Variants in GRID2 observed in about 807,000 individuals in gnomAD.
GRID2 encodes glutamate receptor ionotropic, delta-2.
A neutral mutation model predicts 114.8 loss-of-function variants in GRID2; 33 were observed. The observed-to-expected ratio is 0.29, with a 90% CI of 0.22 to 0.38. The LOEUF is 0.38. GRID2 is among the 10% of genes least tolerant of loss of function. The pLI is 1.00. For missense variants in GRID2, 1,184 were observed against 1,257.7 expected, an observed-to-expected ratio of 0.94 and a Z score of 0.89; for synonymous variants, 505 against 449.9, an observed-to-expected ratio of 1.12 and a Z score of -1.55.
intron 4 of GRID2, among the ~76,000 whole-genome samples, chr4:93,179,414 G>C (rs1739673235): frequency 6.6e-6 from 1 of 152,114 alleles, no homozygotes; most frequent in Non-Finnish European, 1.5e-5. Context: ...CCTTATTCTT[G>C]TTTTTCCTTA....
At chr4:93,096,186 C>T (rs1731214171) in intron 3 of GRID2, among the ~76,000 whole-genome samples, 1 of 151,916 alleles carries the variant, frequency 6.6e-6, no homozygotes, top group Admixed American at 6.6e-5. Context: ...ATAAATTTTA[C>T]TCTCATCTCT....
chr4:93,293,971 G>A (rs985050751), intron 8 of GRID2, among the ~76,000 whole-genome samples: 21 of 152,266 alleles, frequency 1.4e-4, no homozygotes, highest in East Asian at 1.9e-4. Flanking sequence ...GATCACAGAC[G>A]GCGATTATGC....
intron 2 of GRID2, among the ~76,000 whole-genome samples, chr4:92,949,380 A>T (rs1187366927): frequency 6.6e-6 from 1 of 152,114 alleles, no homozygotes; most frequent in Non-Finnish European, 1.5e-5. Flanking sequence ...TTACATATGT[A>T]TACATGTGCC....
At chr4:93,100,596 T>A (rs879273422) in intron 3 of GRID2, among the ~76,000 whole-genome samples, 51 of 151,948 alleles carry the variant, frequency 3.4e-4, no homozygotes, top group Non-Finnish European at 2.4e-4. Context: ...TTCCTATTTT[T>A]AAAAAAAGCC....
chr4:93,777,755 GAA>G (rs1442524126), downstream of GRID2, among the ~76,000 whole-genome samples: 1 of 152,094 alleles, frequency 6.6e-6, no homozygotes, highest in African/African-American at 2.4e-5. Context: ...CAAAAACAAA[GAA>G]TGATACAGTG....
chr4:93,595,996 C>A (rs1739041241), intron 13 of GRID2, among the ~76,000 whole-genome samples: 1 of 152,138 alleles, frequency 6.6e-6, no homozygotes, highest in Non-Finnish European at 1.5e-5. Flanking sequence ...GCTGAGAAAA[C>A]TGAGGTCCCG....
At chr4:93,204,512 G>A (rs189462436) in intron 4 of GRID2, among the ~76,000 whole-genome samples, 1 of 152,214 alleles carries the variant, frequency 6.6e-6, no homozygotes, top group African/African-American at 2.4e-5. Context: ...CCAAAGACCA[G>A]AAGGAGAGAC....
intron 1 of GRID2, among the ~76,000 whole-genome samples, chr4:92,503,171 C>T (rs1723777219): frequency 6.6e-6 from 1 of 151,980 alleles, no homozygotes; most frequent in Non-Finnish European, 1.5e-5. Flanking sequence ...TATGTAACAA[C>T]ATGACAATAA....
intron 2 of GRID2, among the ~76,000 whole-genome samples, chr4:92,869,349 T>G (rs1430119506): frequency 6.6e-6 from 1 of 152,164 alleles, no homozygotes; most frequent in Non-Finnish European, 1.5e-5. Context: ...TGTGAGGCAG[T>G]ACCCAAAAAA....
chr4:93,219,797 A>T (rs764281402), intron 6 of GRID2, among the ~76,000 whole-genome samples: 3 of 152,170 alleles, frequency 2.0e-5, no homozygotes, highest in Non-Finnish European at 2.9e-5. Flanking sequence ...ATGGAGAGAA[A>T]ACAGAAACAT....
chr4:92,610,950 A>G (rs1451168371), intron 2 of GRID2, among the ~76,000 whole-genome samples: 1 of 151,642 alleles, frequency 6.6e-6, no homozygotes, highest in Non-Finnish European at 1.5e-5. Flanking sequence ...TTTCCAGTCA[A>G]TAATTGAAGA....
chr4:93,621,289 T>C (rs1742199821), intron 13 of GRID2, among the ~76,000 whole-genome samples: 1 of 152,194 alleles, frequency 6.6e-6, no homozygotes, highest in Admixed American at 6.5e-5. Context: ...GTTACCAATG[T>C]CAATCAATAA....
intron 2 of GRID2, among the ~76,000 whole-genome samples, chr4:92,697,279 A>G (rs1009917147): frequency 6.6e-6 from 1 of 152,122 alleles, no homozygotes; most frequent in Non-Finnish European, 1.5e-5. Context: ...CCCCTTACAT[A>G]ACAGAGGAAA....
At chr4:92,792,157 C>T (rs1000296529) in intron 2 of GRID2, among the ~76,000 whole-genome samples, 2 of 151,724 alleles carry the variant, frequency 1.3e-5, no homozygotes, top group Non-Finnish European at 2.9e-5. Context: ...CATGCATTTA[C>T]TGTGCAGCTT....
chr4:93,111,060 A>G, intron 4 of GRID2, 107 bp downstream of exon 4: 1 of 710,072 alleles, frequency 1.4e-6, no homozygotes, highest in Non-Finnish European at 2.5e-6. Flanking sequence ...GGAATTAACT[A>G]CACAATTCTT....
intron 2 of GRID2, among the ~76,000 whole-genome samples, chr4:92,828,804 C>G (rs927937792): frequency 1.3e-5 from 2 of 151,936 alleles, no homozygotes; most frequent in African/African-American, 4.8e-5. Context: ...GTATAAGTAA[C>G]TAAAAGAAGG....
intron 1 of GRID2, among the ~76,000 whole-genome samples, chr4:92,463,438 T>C (rs1209367083): frequency 6.6e-6 from 1 of 152,028 alleles, no homozygotes; most frequent in East Asian, 1.9e-4. Flanking sequence ...AATTAGGCCC[T>C]GCTTTTCATC....
intron 2 of GRID2, among the ~76,000 whole-genome samples, chr4:92,730,171 A>G (rs918978041): frequency 2.0e-5 from 3 of 151,760 alleles, no homozygotes; most frequent in Non-Finnish European, 4.4e-5. Flanking sequence ...CTTTCTTTCC[A>G]TAGCACTTGG....
intron 2 of GRID2, among the ~76,000 whole-genome samples, chr4:92,971,327 G>T (rs1578639678): frequency 6.6e-6 from 1 of 151,972 alleles, no homozygotes; most frequent in East Asian, 1.9e-4. Context: ...ATTTAGTACA[G>T]ATTTTTATGT....
Sources: gnomAD v4.1 joint callset for allele counts (sites outside exome capture counted in the v4.1 genomes callset) on GRCh38, gnomAD v4.1.1 for gene constraint, MANE v1.5 for transcripts, NCBI Gene and HGNC (gene_info 2026-07-23, HGNC 2026-07-21) for gene names.